GMDS: variants seen among roughly 807,000 people sequenced by gnomAD.
The protein encoded by GMDS is GDP-mannose 4,6-dehydratase.
A neutral mutation model predicts 49.9 loss-of-function variants in GMDS; 20 were observed. The observed-to-expected ratio is 0.40, with a 90% confidence interval of 0.28 to 0.58. The LOEUF is 0.58. Ranked by LOEUF, GMDS falls within the 20% of genes least tolerant of loss-of-function variation. The probability of loss-of-function intolerance (pLI) is 0.42; values close to 1 mark genes in which losing one functional copy is unlikely to be tolerated. For synonymous variants in GMDS, 177 were observed against 178.6 expected (o/e 0.99, Z 0.07); for missense variants, 362 against 481.4 (o/e 0.75, Z 2.32).
At chr6:2,225,570 T>C (rs1205403196) in intron 1 of GMDS, among the ~76,000 whole-genome samples, 1 of 152,220 alleles carries the variant, frequency 6.6e-6, no homozygotes, top group Admixed American at 6.5e-5. Flanking sequence ...TGACGAATCA[T>C]TTGCCAACCC....
intron 7 of GMDS, among the ~76,000 whole-genome samples, chr6:1,860,598 G>C (rs1388848266): frequency 1.3e-5 from 2 of 152,118 alleles, no homozygotes; most frequent in Non-Finnish European, 2.9e-5. Context: ...ACTAATAACA[G>C]TACATTTAAC....
At chr6:2,235,317 A>G (rs1781307215) in intron 1 of GMDS, among the ~76,000 whole-genome samples, 1 of 152,130 alleles carries the variant, frequency 6.6e-6, no homozygotes, top group African/African-American at 2.4e-5. Flanking sequence ...AAACTTACTA[A>G]ACATTCCAAC....
chr6:1,930,333 T>A, intron 6 of GMDS, 103 bp from the exon 7 acceptor site: 1 of 814,390 alleles, frequency 1.2e-6, no homozygotes, highest in Non-Finnish European at 2.0e-6. Context: ...TCTTTCATTC[T>A]ACACTCCCAG....
chr6:1,716,206 C>A (rs988923467), intron 9 of GMDS, among the ~76,000 whole-genome samples: 1 of 152,240 alleles, frequency 6.6e-6, no homozygotes, highest in Non-Finnish European at 1.5e-5. Context: ...TAAGGATCCA[C>A]GTTTATGCTA....
intron 1 of GMDS, among the ~76,000 whole-genome samples, chr6:2,170,364 A>C (rs1777926903): frequency 6.6e-6 from 1 of 152,152 alleles, no homozygotes; most frequent in Non-Finnish European, 1.5e-5. Context: ...ACTAGCTCAT[A>C]CCTATAATCT....
intron 4 of GMDS, among the ~76,000 whole-genome samples, chr6:1,997,507 CAAAAAAAAAAA>C (rs542421435): frequency 8.1e-5 from 5 of 61,624 alleles, no homozygotes; most frequent in Non-Finnish European, 1.6e-4. Context: ...GACTCTGTCT[CAAAAAAAAAAA>C]AAAAAAAAAG....
At chr6:1,850,999 CT>C (rs372499335) in intron 7 of GMDS, among the ~76,000 whole-genome samples, 1 of 152,300 alleles carries the variant, frequency 6.6e-6, no homozygotes, top group African/African-American at 2.4e-5. Context: ...CTCTACGAGA[CT>C]TTTAGTACTT....
intron 4 of GMDS, among the ~76,000 whole-genome samples, chr6:2,078,388 T>G (rs1772471205): frequency 6.6e-6 from 1 of 152,106 alleles, no homozygotes; most frequent in African/African-American, 2.4e-5. Flanking sequence ...CTCTACTGTT[T>G]TGATGTGGGC....
chr6:1,980,085 C>A (rs1156425045), intron 4 of GMDS, among the ~76,000 whole-genome samples: 1 of 152,172 alleles, frequency 6.6e-6, no homozygotes, highest in Non-Finnish European at 1.5e-5. Flanking sequence ...CCAGTCACTA[C>A]AAAGACATAC....
intron 9 of GMDS, among the ~76,000 whole-genome samples, chr6:1,647,782 G>A (rs1763531669): frequency 6.6e-6 from 1 of 152,190 alleles, no homozygotes; most frequent in South Asian, 2.1e-4. Context: ...TCAGGCCGGA[G>A]TGGGGGAAGG....
rs995698492 is a variant in GMDS, at chr6:1,833,104, C to T, written c.772-90518G>A. ...CCGCTGGACCTGTGCCCAGCTCACC[C>T]GGCAGTGGAGCGTATGAAAGCCTTT... On this transcript the variant is annotated intron_variant, in intron 7 of 10. Coordinates refer to ENST00000380815, the MANE Select transcript of GMDS (RefSeq NM_001500.4). The surrounding 1 kb of genome is among the most constrained non-coding windows in gnomAD (Gnocchi z 4.4). Among the ~76,000 whole-genome samples the T allele has an allele frequency of 5.3e-5, 8 of 151,176 alleles. No individual in the cohort carries two copies. Among genetic ancestry groups the T allele is most frequent in the Admixed American group, 1.3e-4 (2 of 15,164 alleles).
chr6:1,702,073 C>T (rs1338149973), intron 9 of GMDS, among the ~76,000 whole-genome samples: 1 of 152,236 alleles, frequency 6.6e-6, no homozygotes, highest in African/African-American at 2.4e-5. Context: ...AACTGGAATG[C>T]CCCCTTTAAG....
chr6:1,819,788 T>C (rs1770817904), intron 7 of GMDS, among the ~76,000 whole-genome samples: 2 of 146,374 alleles, frequency 1.4e-5, no homozygotes, highest in African/African-American at 2.5e-5. Flanking sequence ...TATATATATA[T>C]ATATATATAT....
intron 9 of GMDS, among the ~76,000 whole-genome samples, chr6:1,675,509 T>A (rs1764589226): frequency 6.6e-6 from 1 of 152,154 alleles, no homozygotes. Context: ...GGGACATCCT[T>A]ACCTTGTTCC....
At chr6:1,698,787 CTTTTTT>C (rs10641587) in intron 9 of GMDS, among the ~76,000 whole-genome samples, 1 of 133,076 alleles carries the variant, frequency 7.5e-6, no homozygotes, top group African/African-American at 2.8e-5. Context: ...CCTGGTTTCC[CTTTTTT>C]TTTTTTTTTT....
chr6:1,717,695 A>G (rs544930880), intron 9 of GMDS: 2 of 152,358 alleles, frequency 1.3e-5, no homozygotes, highest in African/African-American at 4.8e-5. Context: ...CAGGAGTTGA[A>G]GAGCCCAAAG....
In GMDS at chr6:2,139,630, TG is replaced by T. The variant is rs377680149; in HGVS notation, c.103-14900del. On this transcript the variant is annotated intron_variant, in intron 1 of 10. Coordinates refer to ENST00000380815, the MANE Select transcript of GMDS (RefSeq NM_001500.4). ...CTAATTATCCCCACATTACAGACAA[TG>T]GAATTTAGGCAAAAGTAATTAAGTG... Among the ~76,000 whole-genome samples the T allele has an allele frequency of 4.3e-4, 65 of 152,246 alleles. No individual in the cohort carries two copies. The East Asian group carries it at 8.5e-3, about 20-fold the overall frequency.
intron 1 of GMDS, among the ~76,000 whole-genome samples, chr6:2,140,372 T>C (rs1372445190): frequency 6.6e-6 from 1 of 152,160 alleles, no homozygotes; most frequent in Non-Finnish European, 1.5e-5. Context: ...TCTTGAAGCC[T>C]CCAAAGGGAA....
At position 1,996,309 on chromosome 6, in the gene GMDS, A is replaced by G. The variant is rs747402419; in HGVS notation, c.346-35343T>C. 5.7e-4 allele frequency among the ~76,000 whole-genome samples: 86 copies of G among 152,078 alleles called. 1 individual carries two copies. Among genetic ancestry groups the G allele is most frequent in the Non-Finnish European group, 1.6e-4 (11 of 68,020 alleles). Reference sequence around the variant, plus strand: ...GCTGGGGTTTCCTCACTGGGAGTGCATCTTCTGGGTAGTGTACCTTTTTAA... The same window carrying G: ...GCTGGGGTTTCCTCACTGGGAGTGCGTCTTCTGGGTAGTGTACCTTTTTAA... On this transcript the variant is annotated intron_variant, in intron 4 of 10. Transcript: ENST00000380815.
Sources: gnomAD v4.1 joint callset for allele counts (sites outside exome capture counted in the v4.1 genomes callset) on GRCh38, gnomAD v4.1.1 for gene constraint, Gnocchi (gnomAD v3.1) non-coding constraint, MANE v1.5 for transcripts, NCBI Gene and HGNC (gene_info 2026-07-23, HGNC 2026-07-21) for gene names.